SMURF1: variants seen among roughly 807,000 people sequenced by gnomAD.
The protein encoded by SMURF1 is E3 ubiquitin-protein ligase SMURF1.
A neutral mutation model predicts 98.0 loss-of-function variants in SMURF1; 44 were observed. That is an observed-to-expected ratio of 0.45 (90% CI 0.35 to 0.58). The LOEUF (loss-of-function observed/expected upper bound fraction) is 0.58, where lower values mean the gene tolerates loss of function less well. SMURF1 is among the 20% of genes least tolerant of loss of function. SMURF1 has a pLI of 0.00. For missense variants in SMURF1, 687 were observed against 938.4 expected, an observed-to-expected ratio of 0.73 and a Z score of 3.50; for synonymous variants, 396 against 374.9, an observed-to-expected ratio of 1.06 and a Z score of -0.65.
At chr7:99,105,017 T>C (rs1247116055) in intron 1 of SMURF1, among the ~76,000 whole-genome samples, 1 of 152,364 alleles carries the variant, frequency 6.6e-6, no homozygotes, top group Admixed American at 6.5e-5. Context: ...TTCTGTTGCC[T>C]GTAACCAAAA....
At chr7:99,109,817 T>G (rs1052801956) in intron 1 of SMURF1, among the ~76,000 whole-genome samples, 1 of 152,196 alleles carries the variant, frequency 6.6e-6, no homozygotes, top group African/African-American at 2.4e-5. Context: ...GATATAAATG[T>G]TTTCTCCACA....
rs371314246 is a variant in SMURF1, at chr7:99,054,799, T to C, written c.470A>G (p.Glu157Gly). 4 of 1,613,990 alleles carry C rather than the reference T, an allele frequency of 2.5e-6. No individual in the cohort carries two copies. In the African/African-American group the frequency reaches 5.3e-5, roughly 22 times the overall value. The change falls in exon 6 of 18, where the codon GAA becomes GGA. Residue 157 changes from glutamate (E) to glycine (G), a missense_variant. Glu to Gly is a moderately conservative substitution (Grantham distance 98). This residue lies in a region of SMURF1 where 415 missense variants were observed against 508.4 expected (regional missense o/e 0.82). Coordinates refer to ENST00000361368, the MANE Select transcript of SMURF1 (RefSeq NM_181349.3). ...GSVVDCRGLL[E>G]NEGTVYEDSG... Reference sequence around the variant, plus strand: ...CTGTGGTTATACGTACCCTTCATTTTCTAACAGTCCTCTGCAGTCCACCAC... The same window carrying C: ...CTGTGGTTATACGTACCCTTCATTTCCTAACAGTCCTCTGCAGTCCACCAC...
At position 99,045,702 on chromosome 7, in the gene SMURF1, C is replaced by T. The variant is rs896125111; in HGVS notation, c.1252G>A (p.Ala418Thr). 6.2e-7 allele frequency: 1 copy of T among 1,613,608 alleles called. No homozygotes were observed. ...GEEGLDYGGV[A>T]REWLYLLCHE... ...GTGAATGAACAAGCAGCTCACCTGG[C>T]CACACCACCGTAATCCAAACCTTCT... The change falls in exon 11 of 18, where the codon GCC (alanine) becomes ACC (threonine). Residue 418 changes from alanine (A) to threonine (T), a missense_variant. Ala to Thr is a moderately conservative substitution (Grantham distance 58). Coordinates refer to ENST00000361368, the MANE Select transcript of SMURF1 (RefSeq NM_181349.3).
At chr7:99,118,559 A>T (rs1797514854) in intron 1 of SMURF1, among the ~76,000 whole-genome samples, 1 of 152,232 alleles carries the variant, frequency 6.6e-6, no homozygotes, top group Non-Finnish European at 1.5e-5. Context: ...CATACATATG[A>T]TTTCATTTTC....
intron 14 of SMURF1, 35 bp downstream of exon 14, chr7:99,038,353 C>G: frequency 6.2e-7 from 1 of 1,609,892 alleles, no homozygotes; most frequent in South Asian, 1.1e-5. Flanking sequence ...CAGCCGCGCC[C>G]CAGGCACCTG....
intron 1 of SMURF1, 82 bp from the exon 2 acceptor site, chr7:99,061,919 A>G (rs995179080): frequency 9.9e-7 from 1 of 1,005,968 alleles, no homozygotes; most frequent in Non-Finnish European, 1.4e-6. Flanking sequence ...ACCCGAACAA[A>G]AAGACTCTAA....
At chr7:99,142,408 C>T (rs895145242) in intron 1 of SMURF1, among the ~76,000 whole-genome samples, 14 of 151,572 alleles carry the variant, frequency 9.2e-5, no homozygotes, top group Non-Finnish European at 1.9e-4. Context: ...GCGGTCTGGC[C>T]TAAGAGACAG....
At chr7:99,113,949 AT>A (rs1270462082) in intron 1 of SMURF1, among the ~76,000 whole-genome samples, 1 of 151,382 alleles carries the variant, frequency 6.6e-6, no homozygotes, top group African/African-American at 2.4e-5. Flanking sequence ...TAGTAATGTT[AT>A]TTTTGGCTTG....
In SMURF1 at chr7:99,143,889, G is replaced by T; in HGVS notation, c.-109C>A. ...AGGTTACGGCTCCGGGCTGGGCGCCGGGGTCCGAGCCGGGACACAAACTCC... is the reference window on the plus strand; with the variant it reads ...AGGTTACGGCTCCGGGCTGGGCGCCTGGGTCCGAGCCGGGACACAAACTCC... On this transcript the variant is annotated 5_prime_UTR_variant, in exon 1 of 18. Transcript: ENST00000361368. The T allele has an allele frequency of 9.6e-7, 1 of 1,036,736 alleles. No individual in the cohort carries two copies. Among genetic ancestry groups the T allele is most frequent in the Non-Finnish European group, 1.3e-6 (1 of 773,472 alleles). The allele number at this position is 1,036,736 out of a possible 1,614,324, so 64.2% of individuals were successfully genotyped here.
intron 1 of SMURF1, among the ~76,000 whole-genome samples, chr7:99,141,557 C>G (rs1315726594): frequency 1.3e-5 from 2 of 152,162 alleles, no homozygotes; most frequent in African/African-American, 4.8e-5. Context: ...TCAGCCCTGG[C>G]ATAAAGAAAT....
At chr7:99,046,582 AT>A (rs1197615673) in intron 10 of SMURF1, among the ~76,000 whole-genome samples, 2 of 152,008 alleles carry the variant, frequency 1.3e-5, no homozygotes, top group Non-Finnish European at 2.9e-5. Flanking sequence ...AATACAAAAA[AT>A]TAGCTGGGCC....
intron 1 of SMURF1, among the ~76,000 whole-genome samples, chr7:99,081,730 G>A (rs1796580890): frequency 6.6e-6 from 1 of 152,224 alleles, no homozygotes. Flanking sequence ...TAGGCTCACT[G>A]CGATCTCTGC....
intron 17 of SMURF1, 70 bp from the exon 18 acceptor site, chr7:99,030,753 A>G: frequency 8.9e-7 from 1 of 1,128,356 alleles, no homozygotes. Context: ...GGCCAAGGAC[A>G]GGCAGTGAGA....
intron 1 of SMURF1, among the ~76,000 whole-genome samples, chr7:99,090,684 C>T (rs1374140117): frequency 6.6e-6 from 1 of 152,142 alleles, no homozygotes; most frequent in Non-Finnish European, 1.5e-5. Flanking sequence ...TTTTGGAGTT[C>T]CTGTATGTAA....
At chr7:99,067,364 T>C (rs902446736) in intron 1 of SMURF1, among the ~76,000 whole-genome samples, 1 of 152,050 alleles carries the variant, frequency 6.6e-6, no homozygotes, top group Admixed American at 6.6e-5. Context: ...ATACAGCAAT[T>C]AACAAAAGAC....
chr7:99,058,686 C>A (rs958201538), intron 3 of SMURF1, among the ~76,000 whole-genome samples: 3 of 152,196 alleles, frequency 2.0e-5, no homozygotes, highest in Non-Finnish European at 4.4e-5. Flanking sequence ...TCTTAAAAAT[C>A]CCACCCAAAT....
At chr7:99,054,989 A>C in intron 5 of SMURF1, 124 bp from the exon 6 acceptor site, 1 of 761,980 alleles carries the variant, frequency 1.3e-6, no homozygotes. Flanking sequence ...ATGTGTATGC[A>C]TACACACATA....
chr7:99,034,700 C>T (rs561302395), intron 16 of SMURF1, among the ~76,000 whole-genome samples: 3 of 152,172 alleles, frequency 2.0e-5, no homozygotes, highest in Non-Finnish European at 4.4e-5. Context: ...CTCCCAGATA[C>T]GAGCGGGGCT....
At chr7:99,097,474 G>A (rs548146385) in intron 1 of SMURF1, among the ~76,000 whole-genome samples, 8 of 152,170 alleles carry the variant, frequency 5.3e-5, no homozygotes, top group Non-Finnish European at 7.3e-5. Flanking sequence ...ATGGATTGAT[G>A]ACATTAAAAA....
Sources: gnomAD v4.1 joint callset for allele counts (sites outside exome capture counted in the v4.1 genomes callset) on GRCh38, gnomAD v4.1.1 for gene constraint, gnomAD v4.1.1 regional missense constraint, MANE v1.5 for transcripts, NCBI Gene and HGNC (gene_info 2026-07-23, HGNC 2026-07-21) for gene names.